The following ANK3 variants were observed in gnomAD, a reference collection of about 807,000 sequenced individuals.
ANK3 encodes the protein ankyrin-3.
ANK3 carries 57 observed loss-of-function variants against 370.9 expected under a neutral mutation model. The observed-to-expected ratio is 0.15, with a 90% confidence interval of 0.12 to 0.19. ANK3 has a LOEUF of 0.19. ANK3 is among the 10% of genes least tolerant of loss of function. ANK3 has a pLI of 1.00. For synonymous variants in ANK3, 1,929 were observed against 1,946.3 expected, an observed-to-expected ratio of 0.99 and a Z score of 0.23; for missense variants, 4,439 against 5,302.1, an observed-to-expected ratio of 0.84 and a Z score of 5.06.
At chr10:60,479,336 T>C (rs1489892451) in intron 2 of ANK3, among the ~76,000 whole-genome samples, 1 of 152,222 alleles carries the variant, frequency 6.6e-6, no homozygotes, top group Non-Finnish European at 1.5e-5. Context: ...CTACAGTGTT[T>C]AGTACAGTAA....
chr10:60,471,289 C>T (rs555473304), intron 2 of ANK3, among the ~76,000 whole-genome samples: 3 of 152,086 alleles, frequency 2.0e-5, no homozygotes, highest in Non-Finnish European at 4.4e-5. Flanking sequence ...CAAACAAAAA[C>T]GTATATACAC....
chr10:60,303,397 A>G (rs1408499710), intron 1 of ANK3, among the ~76,000 whole-genome samples: 1 of 152,252 alleles, frequency 6.6e-6, no homozygotes, highest in African/African-American at 2.4e-5. Flanking sequence ...AAATGGGCAA[A>G]GAACCTGAAT....
At position 60,072,226 on chromosome 10, in the gene ANK3, G is replaced by T. The variant is rs11599164; in HGVS notation, c.8655C>A (p.His2885Gln). ...VHDVRENHIG[H>Q]PESKSVDQKN... ...TTTGATCAACACTTTTACTCTCAGG[G>T]TGACCAATGTGATTCTCTCTTACAT... The change falls in exon 37 of 44, where the codon CAC (histidine) becomes CAA (glutamine). Residue 2885 changes from histidine to glutamine, a missense_variant. This residue lies in a region of ANK3 where 1,601 missense variants were observed against 1,731.7 expected (regional missense o/e 0.92). Coordinates refer to ENST00000280772, the MANE Select transcript of ANK3 (RefSeq NM_020987.5). 0.092 allele frequency: 148,589 copies of T among 1,613,942 alleles called. 7,869 individuals carry two copies. Among genetic ancestry groups the T allele is most frequent in the Non-Finnish European group, 0.11 (128,706 of 1,179,976 alleles).
At chr10:60,032,081 GATA>G (rs2073722937) in intron 43 of ANK3, among the ~76,000 whole-genome samples, 1 of 150,780 alleles carries the variant, frequency 6.6e-6, no homozygotes, top group Admixed American at 6.6e-5. Context: ...ATGGTCCTAT[GATA>G]ATGTTACTAC....
At chr10:60,395,748 C>G (rs894780598) in intron 2 of ANK3, among the ~76,000 whole-genome samples, 1 of 151,892 alleles carries the variant, frequency 6.6e-6, no homozygotes, top group African/African-American at 2.4e-5. Flanking sequence ...GTTCCCTCAC[C>G]CTGCTGGTCA....
intron 16 of ANK3, among the ~76,000 whole-genome samples, chr10:60,189,935 T>G (rs554898087): frequency 3.9e-5 from 6 of 152,244 alleles, no homozygotes; most frequent in Non-Finnish European, 7.3e-5. Context: ...TTGCACATTT[T>G]ATGGAAGAGA....
intron 2 of ANK3, among the ~76,000 whole-genome samples, chr10:60,456,310 T>C (rs185429614): frequency 6.6e-6 from 1 of 152,216 alleles, no homozygotes; most frequent in Non-Finnish European, 1.5e-5. Context: ...CTCACTTTCT[T>C]GGAATGAATC....
chr10:60,169,015 T>C (rs964300282), intron 21 of ANK3, among the ~76,000 whole-genome samples: 28 of 152,366 alleles, frequency 1.8e-4, no homozygotes, highest in African/African-American at 6.7e-4. Flanking sequence ...TACACATGCA[T>C]GTATCTTTGT....
At chr10:60,583,930 T>C (rs1297868221) in intron 2 of ANK3, among the ~76,000 whole-genome samples, 2 of 152,178 alleles carry the variant, frequency 1.3e-5, no homozygotes, top group Non-Finnish European at 2.9e-5. Context: ...GTGATGTTTA[T>C]GGTGATGATA....
chr10:60,537,391 G>T (rs1047914816), intron 2 of ANK3, among the ~76,000 whole-genome samples: 1 of 151,880 alleles, frequency 6.6e-6, no homozygotes, highest in Non-Finnish European at 1.5e-5. Context: ...TAAGATTGTT[G>T]TATGAAAAAT....
intron 2 of ANK3, among the ~76,000 whole-genome samples, chr10:60,603,733 T>G (rs1782715458): frequency 6.6e-6 from 1 of 152,102 alleles, no homozygotes; most frequent in South Asian, 2.1e-4. Flanking sequence ...GACTGCAATT[T>G]TGCCAGATAC....
chr10:60,185,164 T>C (rs1009882542), intron 17 of ANK3, among the ~76,000 whole-genome samples: 1 of 152,236 alleles, frequency 6.6e-6, no homozygotes, highest in Admixed American at 6.5e-5. Flanking sequence ...ATTAAAAAAA[T>C]GTGTTTGCTC....
At chr10:60,063,543 T>C (rs1369737577) in intron 39 of ANK3, among the ~76,000 whole-genome samples, 2 of 152,228 alleles carry the variant, frequency 1.3e-5, no homozygotes, top group Non-Finnish European at 2.9e-5. Context: ...AACTAAAGTT[T>C]CCTTTCCTCT....
chr10:60,625,152 C>T (rs2078391144), intron 1 of ANK3, among the ~76,000 whole-genome samples: 1 of 152,140 alleles, frequency 6.6e-6, no homozygotes, highest in South Asian at 2.1e-4. Flanking sequence ...TGAAACAGTC[C>T]AAGCTACTCT....
In ANK3 at chr10:60,159,566, C is replaced by A. The variant is rs972331349; in HGVS notation, c.2614+7025G>T. On this transcript the variant is annotated intron_variant, in intron 23 of 43. Coordinates refer to ENST00000280772, the MANE Select transcript of ANK3 (RefSeq NM_020987.5). ...ACTTAATCTACCATAGACCAAATGA[C>A]CCTAATAGACATGCACAGAACATTC... 4.6e-5 allele frequency among the ~76,000 whole-genome samples: 7 copies of A among 152,150 alleles called. No homozygotes were observed. The South Asian group carries it at 1.5e-3, about 32-fold the overall frequency.
At chr10:60,359,907 A>G (rs972573512) in intron 1 of ANK3, among the ~76,000 whole-genome samples, 1 of 152,242 alleles carries the variant, frequency 6.6e-6, no homozygotes, top group Admixed American at 6.5e-5. Context: ...CTTAACCATT[A>G]TACTAAGTAA....
intron 1 of ANK3, among the ~76,000 whole-genome samples, chr10:60,381,186 T>C (rs1171476540): frequency 1.3e-5 from 2 of 152,174 alleles, no homozygotes; most frequent in East Asian, 1.9e-4. Flanking sequence ...AACTATATAA[T>C]GAAGATTTCT....
In ANK3 at chr10:60,398,524, A is replaced by G. The variant is rs183275443; in HGVS notation, c.97-118885T>C. 1.4e-3 allele frequency among the ~76,000 whole-genome samples: 217 copies of G among 152,316 alleles called. 1 individual carries two copies. Among genetic ancestry groups the G allele is most frequent in the Non-Finnish European group, 2.3e-3 (155 of 68,036 alleles). ...TACATGTGTGGATGTGTGTATTCAC[A>G]TAATACCCATGAAAATTTGTCCTCT... On this transcript the variant is annotated intron_variant, in intron 2 of 43. Transcript: ENST00000373827.
intron 26 of ANK3, among the ~76,000 whole-genome samples, chr10:60,109,791 T>C (rs1232841513): frequency 6.6e-6 from 1 of 152,216 alleles, no homozygotes. Flanking sequence ...GAAAAAACTG[T>C]CTGCATGTAT....
Sources: gnomAD v4.1 joint callset for allele counts (sites outside exome capture counted in the v4.1 genomes callset) on GRCh38, gnomAD v4.1.1 for gene constraint, gnomAD v4.1.1 regional missense constraint, MANE v1.5 for transcripts, NCBI Gene and HGNC (gene_info 2026-07-23, HGNC 2026-07-21) for gene names.